SHROOM4: variants seen among roughly 807,000 people sequenced by gnomAD.
The protein encoded by SHROOM4 is shroom family member 4.
In SHROOM4, 17 loss-of-function variants were observed where a neutral mutation model predicts 80.3. That is an observed-to-expected ratio of 0.21 (90% CI 0.14 to 0.32). The LOEUF (loss-of-function observed/expected upper bound fraction) is 0.32, where lower values mean the gene tolerates loss of function less well. Ranked by LOEUF, SHROOM4 falls within the 10% of genes least tolerant of loss-of-function variation. The pLI, the probability that SHROOM4 is intolerant of heterozygous loss-of-function variation, is 1.00. For missense variants in SHROOM4, 993 were observed against 1,140.3 expected (o/e 0.87, Z 1.86); for synonymous variants, 400 against 437.5 (o/e 0.91, Z 1.07).
intron 5 of SHROOM4, among the ~76,000 whole-genome samples, chrX:50,618,479 C>A (rs1321624435): frequency 9.4e-6 from 1 of 106,257 alleles, no homozygotes; most frequent in Admixed American, 1.0e-4. Flanking sequence ...CAATCTTGGC[C>A]GACTGCAACC....
At chrX:50,786,476 G>A (rs1294645015) in intron 1 of SHROOM4, among the ~76,000 whole-genome samples, 1 of 112,040 alleles carries the variant, frequency 8.9e-6, no homozygotes, top group African/African-American at 3.2e-5. Context: ...ACAAAGGACT[G>A]GTTTATGTCT....
intron 5 of SHROOM4, among the ~76,000 whole-genome samples, chrX:50,613,702 T>C (rs1557250286): frequency 8.9e-6 from 1 of 112,263 alleles, no homozygotes; most frequent in East Asian, 2.8e-4. Flanking sequence ...CTAGCAACGA[T>C]GACTCAACAT....
chrX:50,787,034 T>C (rs1256701271), intron 1 of SHROOM4, among the ~76,000 whole-genome samples: 3 of 110,356 alleles, frequency 2.7e-5, no homozygotes, highest in Non-Finnish European at 5.7e-5. Context: ...CTCGGCAACA[T>C]AGTAAGACCT....
intron 1 of SHROOM4, among the ~76,000 whole-genome samples, chrX:50,791,577 CTTTT>C (rs782127144): frequency 3.4e-5 from 2 of 57,991 alleles, no homozygotes; most frequent in Admixed American, 1.9e-4. Context: ...CCATGCCTGA[CTTTT>C]TTTTTTTTTT....
chrX:50,800,564 G>C (rs1207513598), intron 1 of SHROOM4, among the ~76,000 whole-genome samples: 1 of 111,334 alleles, frequency 9.0e-6, no homozygotes, highest in East Asian at 2.8e-4. Context: ...GAGAGGGCCA[G>C]AGAAGTGAGA....
intron 7 of SHROOM4, among the ~76,000 whole-genome samples, chrX:50,600,066 T>C (rs190474868): frequency 5.9e-4 from 66 of 111,525 alleles, no homozygotes; most frequent in African/African-American, 2.0e-3. Context: ...TTAGGATAGA[T>C]ACCTAATCCC....
intron 4 of SHROOM4, among the ~76,000 whole-genome samples, chrX:50,632,500 T>C (rs941570011): frequency 3.6e-5 from 4 of 111,677 alleles, no homozygotes; most frequent in Non-Finnish European, 5.6e-5. Context: ...GCTTGTGTTA[T>C]GGTAATAGGT....
intron 6 of SHROOM4, 34 bp from the exon 7 acceptor site, chrX:50,602,847 C>T: frequency 8.7e-7 from 1 of 1,155,037 alleles, no homozygotes; most frequent in Non-Finnish European, 1.2e-6. Flanking sequence ...TTGAGCACCT[C>T]TGTTGAGAGG....
intron 2 of SHROOM4, among the ~76,000 whole-genome samples, chrX:50,642,587 C>A (rs1476663483): frequency 9.0e-6 from 1 of 111,617 alleles, no homozygotes; most frequent in Non-Finnish European, 1.9e-5. Flanking sequence ...TCCTGAGTAG[C>A]TAGGACTACA....
At chrX:50,670,617 A>G (rs782541468) in intron 2 of SHROOM4, among the ~76,000 whole-genome samples, 1 of 111,932 alleles carries the variant, frequency 8.9e-6, no homozygotes, top group African/African-American at 3.2e-5. Flanking sequence ...TCCTTTGGGT[A>G]TATACCCAGT....
intron 2 of SHROOM4, among the ~76,000 whole-genome samples, chrX:50,642,601 T>C (rs1422616523): frequency 5.4e-5 from 6 of 111,409 alleles, no homozygotes; most frequent in African/African-American, 2.0e-4. Flanking sequence ...GACTACAGGC[T>C]ACAGGTGCAT....
intron 1 of SHROOM4, among the ~76,000 whole-genome samples, chrX:50,801,829 T>G (rs1383026489): frequency 1.8e-5 from 2 of 111,971 alleles, no homozygotes; most frequent in East Asian, 5.6e-4. Context: ...AAATATAAAT[T>G]ACAAGCTATT....
chrX:50,577,944 C>A, the SHROOM4 span, among the ~76,000 whole-genome samples: 1 of 111,880 alleles, frequency 8.9e-6, no homozygotes, highest in South Asian at 3.8e-4. Flanking sequence ...TAAGATGAAG[C>A]CTTGATCATA....
chrX:50,592,310 C>T lies in SHROOM4; in HGVS notation c.*4385G>A, dbSNP rs1928919113. On this transcript the variant is annotated 3_prime_UTR_variant, in exon 9 of 9. Coordinates refer to ENST00000376020, the MANE Select transcript of SHROOM4 (RefSeq NM_020717.5). ...TGCTATCACTGGGTTTGGGGTGGGC[C>T]TGGGATTCTGCCTAATAACTTCTTG... 3.6e-6 allele frequency: 1 copy of T among 275,484 alleles called. No individual in the cohort carries two copies. Among genetic ancestry groups the T allele is most frequent in the Admixed American group, 4.2e-5 (1 of 23,713 alleles). The allele number at this position is 275,484 out of a possible 1,213,427, so 22.7% of individuals were successfully genotyped here. A position where few individuals can be genotyped will look rare whatever the true frequency, so the allele number is the denominator to read the frequency against.
At chrX:50,726,229 A>G (rs1934240109) in intron 1 of SHROOM4, among the ~76,000 whole-genome samples, 1 of 112,242 alleles carries the variant, frequency 8.9e-6, no homozygotes, top group Admixed American at 9.4e-5. Flanking sequence ...CTAAAAGCGT[A>G]CAGTATATGC....
rs1008751133 is a variant in SHROOM4, at chrX:50,675,819, C to T, written c.269+19967G>A. Among the ~76,000 whole-genome samples, 11 of 111,387 alleles carry T rather than the reference C, an allele frequency of 9.9e-5. No homozygotes were observed. In the East Asian group the frequency reaches 3.1e-3, roughly 31 times the overall value. ...TTTTGACTATTTGCCATTCGGTCTTCACAAAACTAGTTTAGATTCCCCTCA... is the reference window on the plus strand; with the variant it reads ...TTTTGACTATTTGCCATTCGGTCTTTACAAAACTAGTTTAGATTCCCCTCA... On this transcript the variant is annotated intron_variant, in intron 2 of 8. Transcript: ENST00000376020.
chrX:50,697,143 A>G (rs1933390726), intron 1 of SHROOM4, among the ~76,000 whole-genome samples: 1 of 111,956 alleles, frequency 8.9e-6, no homozygotes, highest in Admixed American at 9.5e-5. Context: ...GGCAGAAATT[A>G]GTTGTCTACA....
intron 2 of SHROOM4, chrX:50,643,708 C>T (rs1157816055): frequency 2.7e-5 from 3 of 111,565 alleles, no homozygotes; most frequent in East Asian, 2.8e-4. Context: ...ATAAACAGCC[C>T]CCCTGCTCCC....
At chrX:50,788,442 T>TA (rs1557271267) in intron 1 of SHROOM4, among the ~76,000 whole-genome samples, 1 of 109,889 alleles carries the variant, frequency 9.1e-6, no homozygotes, top group African/African-American at 3.3e-5. Flanking sequence ...CCGTCTCTAC[T>TA]AAAAAATACA....
Sources: gnomAD v4.1 joint callset for allele counts (sites outside exome capture counted in the v4.1 genomes callset) on GRCh38, gnomAD v4.1.1 for gene constraint, MANE v1.5 for transcripts, NCBI Gene and HGNC (gene_info 2026-07-23, HGNC 2026-07-21) for gene names.